Variants in DENND1A observed in about 807,000 individuals in gnomAD.
DENND1A encodes the protein DENN domain containing 1A.
In DENND1A, 51 loss-of-function variants were observed where a neutral mutation model predicts 113.7. The observed-to-expected ratio is 0.45, with a 90% CI of 0.36 to 0.57. The LOEUF is 0.57. DENND1A is among the 20% of genes least tolerant of loss of function. DENND1A has a pLI of 0.00. For missense variants in DENND1A, 1,258 were observed against 1,395.9 expected (o/e 0.90, Z 1.57); for synonymous variants, 565 against 570.8 (o/e 0.99, Z 0.14).
intron 13 of DENND1A, among the ~76,000 whole-genome samples, chr9:123,552,025 G>GAC (rs2057098204): frequency 1.4e-5 from 2 of 142,800 alleles, no homozygotes; most frequent in African/African-American, 5.6e-5. Context: ...GAGCGAGAGA[G>GAC]AGAGAGAGAG....
chr9:123,838,346 G>C (rs1841339934), intron 2 of DENND1A, among the ~76,000 whole-genome samples: 1 of 152,098 alleles, frequency 6.6e-6, no homozygotes, highest in South Asian at 2.1e-4. Flanking sequence ...GTATATGTCT[G>C]TGTATGTGTA....
rs57555620 is a variant in DENND1A at position 123,884,997 on chromosome 9, GCACACACACACA to G, written c.18-5988_18-5977del. 1.7e-4 allele frequency among the ~76,000 whole-genome samples: 25 copies of G among 145,948 alleles called. No individual in the cohort carries two copies. In the South Asian group the frequency reaches 2.0e-3, roughly 12 times the overall value. ...TCCCACCTGACCTGCGAGCGCGCGC[GCACACACACACA>G]CACACACACACACACACACACTCAC... On this transcript the variant is annotated intron_variant, in intron 1 of 23. Coordinates refer to ENST00000394215, the MANE Select transcript of DENND1A (RefSeq NM_001352964.2).
intron 11 of DENND1A, among the ~76,000 whole-genome samples, chr9:123,589,353 C>T (rs1242353100): frequency 2.0e-5 from 3 of 151,862 alleles, no homozygotes; most frequent in East Asian, 3.9e-4. Context: ...CTCTCAAATT[C>T]GACTTTGAGA....
At chr9:123,518,924 C>T (rs1180423764) in intron 13 of DENND1A, among the ~76,000 whole-genome samples, 1 of 152,130 alleles carries the variant, frequency 6.6e-6, no homozygotes, top group African/African-American at 2.4e-5. Context: ...TGAATAAAAC[C>T]CAAACTCCTT....
At chr9:123,553,396 AGCC>A (rs777235643) in intron 13 of DENND1A, among the ~76,000 whole-genome samples, 1,356 of 108,012 alleles carry the variant, frequency 0.013, 26 homozygotes, top group African/African-American at 0.038. Context: ...CCTTTTTAAA[AGCC>A]GCCCCCCCCC....
intron 21 of DENND1A, among the ~76,000 whole-genome samples, chr9:123,402,883 A>G (rs1313802514): frequency 6.6e-6 from 1 of 152,178 alleles, no homozygotes; most frequent in East Asian, 1.9e-4. Flanking sequence ...GCTGGGCATA[A>G]CACCCAGGGA....
chr9:123,686,644 G>C (rs906283988), intron 5 of DENND1A, among the ~76,000 whole-genome samples: 4 of 152,164 alleles, frequency 2.6e-5, no homozygotes, highest in African/African-American at 9.7e-5. Flanking sequence ...AATTTAAAAT[G>C]TTTTAATCAA....
intron 19 of DENND1A, among the ~76,000 whole-genome samples, chr9:123,419,353 C>T (rs1415149218): frequency 6.6e-6 from 1 of 152,246 alleles, no homozygotes; most frequent in Non-Finnish European, 1.5e-5. Flanking sequence ...GCCTACCTGC[C>T]TCAAATGGAG....
At chr9:123,627,201 T>C (rs998938145) in intron 10 of DENND1A, among the ~76,000 whole-genome samples, 3 of 152,176 alleles carry the variant, frequency 2.0e-5, no homozygotes, top group Non-Finnish European at 4.4e-5. Flanking sequence ...CAGCAGTATC[T>C]TCCAGACAAG....
At chr9:123,645,739 A>G (rs922569011) in intron 9 of DENND1A, among the ~76,000 whole-genome samples, 1 of 152,250 alleles carries the variant, frequency 6.6e-6, no homozygotes, top group Non-Finnish European at 1.5e-5. Context: ...ATAGATTTCA[A>G]AACAAAACAA....
chr9:123,700,292 CTGG>C (rs2065806347), intron 5 of DENND1A, among the ~76,000 whole-genome samples: 1 of 152,126 alleles, frequency 6.6e-6, no homozygotes. Context: ...AAAAAAAGGC[CTGG>C]TGGTATTATT....
intron 1 of DENND1A, among the ~76,000 whole-genome samples, chr9:123,880,655 C>T (rs1027843823): frequency 3.9e-5 from 6 of 152,244 alleles, no homozygotes; most frequent in Non-Finnish European, 7.4e-5. Context: ...TCATCATAAT[C>T]CTGAGAGATA....
At chr9:123,605,065 C>T (rs78695304) in intron 11 of DENND1A, among the ~76,000 whole-genome samples, 2,862 of 152,196 alleles carry the variant, frequency 0.019, 68 homozygotes, top group African/African-American at 0.058. Context: ...ACCTTGCCCA[C>T]GATCAAGTAA....
At chr9:123,756,936 G>A (rs2070608251) in intron 5 of DENND1A, among the ~76,000 whole-genome samples, 1 of 152,196 alleles carries the variant, frequency 6.6e-6, no homozygotes, top group African/African-American at 2.4e-5. Flanking sequence ...TTCCACATGA[G>A]CAGAGAGAGA....
chr9:123,511,060 C>G (rs1054247929), intron 13 of DENND1A, among the ~76,000 whole-genome samples: 1 of 152,164 alleles, frequency 6.6e-6, no homozygotes, highest in African/African-American at 2.4e-5. Flanking sequence ...GTGCAGAGGC[C>G]AGCTACATTC....
intron 13 of DENND1A, among the ~76,000 whole-genome samples, chr9:123,493,960 C>G (rs2051623890): frequency 1.3e-5 from 2 of 152,158 alleles, no homozygotes; most frequent in Non-Finnish European, 1.5e-5. Flanking sequence ...TAAAAAGACT[C>G]TGAGGTTTCT....
intron 13 of DENND1A, among the ~76,000 whole-genome samples, chr9:123,551,848 G>A (rs1000408614): frequency 6.6e-6 from 1 of 152,148 alleles, no homozygotes; most frequent in African/African-American, 2.4e-5. Flanking sequence ...AGATGGGGAG[G>A]AGAAGCCTAG....
rs57945902 is a variant in DENND1A at position 123,422,508 on chromosome 9, G to GTT, written c.1489-10681_1489-10680dup. Among the ~76,000 whole-genome samples the GTT allele has an allele frequency of 6.8e-6, 1 of 146,284 alleles. No homozygotes were observed. On this transcript the variant is annotated intron_variant, in intron 19 of 23. Coordinates refer to ENST00000394215, the MANE Select transcript of DENND1A (RefSeq NM_001352964.2). This position sits in a 1 kb window ranked among gnomAD's most constrained non-coding sequence, Gnocchi z 4.8. The stretch of plus-strand genomic sequence containing the variant: ...GATAGTCAGGTTCACCAGACAGAAG[G>GTT]TTTTTTTTTTTTTTCCTTCCCTCAG...
chr9:123,536,734 C>A (rs1414876488), intron 13 of DENND1A, among the ~76,000 whole-genome samples: 1 of 151,870 alleles, frequency 6.6e-6, no homozygotes, highest in Non-Finnish European at 1.5e-5. Flanking sequence ...GGGAATGGAA[C>A]CAAGATTGAG....
Sources: allele counts gnomAD v4.1 joint callset (sites outside exome capture counted in the v4.1 genomes callset), GRCh38; gene constraint gnomAD v4.1.1; non-coding constraint Gnocchi (gnomAD v3.1); transcripts MANE v1.5; gene names NCBI Gene and HGNC (gene_info 2026-07-23, HGNC 2026-07-21).